Variants in MANBA observed in about 807,000 individuals in gnomAD.
The protein encoded by MANBA is mannosidase beta.
A neutral mutation model predicts 111.1 loss-of-function variants in MANBA; 83 were observed. The observed-to-expected ratio is 0.75, with a 90% CI of 0.63 to 0.90. The LOEUF (loss-of-function observed/expected upper bound fraction) is 0.90. Ranked by LOEUF, MANBA falls within the 40% of genes least tolerant of loss-of-function variation. The probability of loss-of-function intolerance (pLI) is 0.00; values close to 1 mark genes in which losing one functional copy is unlikely to be tolerated. For missense variants in MANBA, 1,036 were observed against 1,069.0 expected, an observed-to-expected ratio of 0.97 and a Z score of 0.43; for synonymous variants, 370 against 378.7, an observed-to-expected ratio of 0.98 and a Z score of 0.27.
At chr4:102,744,966 T>C (rs1723537799) in intron 1 of MANBA, among the ~76,000 whole-genome samples, 1 of 152,150 alleles carries the variant, frequency 6.6e-6, no homozygotes, top group Non-Finnish European at 1.5e-5. Flanking sequence ...GCTACGTATG[T>C]CTATGGCAAT....
At chr4:102,697,466 C>G (rs1023739248) in intron 5 of MANBA, among the ~76,000 whole-genome samples, 2 of 151,486 alleles carry the variant, frequency 1.3e-5, no homozygotes, top group African/African-American at 4.8e-5. Context: ...CTAAACTTGT[C>G]ATCTATCATT....
At chr4:102,636,891 A>G (rs940873588) in intron 14 of MANBA, among the ~76,000 whole-genome samples, 1 of 152,118 alleles carries the variant, frequency 6.6e-6, no homozygotes, top group Non-Finnish European at 1.5e-5. Context: ...CTCATCTTGA[A>G]TTGTAGCTCC....
Position 102,631,513 on chromosome 4 carries a change from A to G in MANBA, c.*544T>C. 1 of 386,486 alleles carries G rather than the reference A, an allele frequency of 2.6e-6. No individual in the cohort carries two copies. Among genetic ancestry groups the G allele is most frequent in the Non-Finnish European group, 4.6e-6 (1 of 219,754 alleles). 23.9% of individuals were successfully genotyped at this position (386,486 alleles called of 1,614,324 possible). A position where few individuals can be genotyped will look rare whatever the true frequency, so the allele number is the denominator to read the frequency against. On this transcript the variant is annotated 3_prime_UTR_variant, in exon 17 of 17. Transcript: ENST00000647097. ...TCAAGTTGTCAATGTAATTTATATAACTTTTATTTTTATATAATTTCACAT... is the reference window on the plus strand; with the variant it reads ...TCAAGTTGTCAATGTAATTTATATAGCTTTTATTTTTATATAATTTCACAT...
At chr4:102,663,521 T>C (rs1042875886) in intron 11 of MANBA, among the ~76,000 whole-genome samples, 5 of 152,238 alleles carry the variant, frequency 3.3e-5, no homozygotes, top group African/African-American at 1.2e-4. Context: ...ATTTTGTGAA[T>C]AGAAAAATTC....
At chr4:102,743,796 G>A (rs1723496967) in intron 1 of MANBA, among the ~76,000 whole-genome samples, 1 of 152,178 alleles carries the variant, frequency 6.6e-6, no homozygotes, top group South Asian at 2.1e-4. Flanking sequence ...TCAAAGGTTT[G>A]GTTTCCACCA....
chr4:102,715,860 A>G, intron 4 of MANBA, among the ~76,000 whole-genome samples: 1 of 152,230 alleles, frequency 6.6e-6, no homozygotes, highest in East Asian at 1.9e-4. Flanking sequence ...AAGAACATAA[A>G]ATCTATGAAG....
At chr4:102,704,534 A>T (rs1057374746) in intron 5 of MANBA, among the ~76,000 whole-genome samples, 3 of 151,944 alleles carry the variant, frequency 2.0e-5, no homozygotes, top group Non-Finnish European at 4.4e-5. Flanking sequence ...TTTTATTTTA[A>T]ATAAAAATTA....
chr4:102,708,363 C>A (rs1244551987), intron 5 of MANBA, among the ~76,000 whole-genome samples: 1 of 151,974 alleles, frequency 6.6e-6, no homozygotes, highest in Non-Finnish European at 1.5e-5. Flanking sequence ...TTGAAACCTG[C>A]ACAAGCACAT....
intron 16 of MANBA, among the ~76,000 whole-genome samples, chr4:102,634,496 C>T (rs564775395): frequency 1.3e-5 from 2 of 152,274 alleles, no homozygotes; most frequent in East Asian, 3.9e-4. Flanking sequence ...AGTGGGCATG[C>T]AGGCAGTGGT....
intron 4 of MANBA, among the ~76,000 whole-genome samples, chr4:102,717,312 G>A (rs1722377809): frequency 1.3e-5 from 2 of 151,414 alleles, no homozygotes; most frequent in Non-Finnish European, 2.9e-5. Context: ...AAATAGGCAG[G>A]GAACATACAG....
chr4:102,727,483 T>G (rs1722855128), intron 1 of MANBA: 11 of 1,525,080 alleles, frequency 7.2e-6, no homozygotes, highest in Non-Finnish European at 1.0e-5. Context: ...CCAGATAACA[T>G]GAGAAATGAG....
intron 1 of MANBA, chr4:102,729,474 CT>C: frequency 8.3e-7 from 1 of 1,208,764 alleles, no homozygotes. Context: ...ACTGCAGCTC[CT>C]GGATCTCCTC....
At chr4:102,690,872 C>G (rs1732448212) in intron 5 of MANBA, 101 bp from the exon 6 acceptor site, 1 of 384,004 alleles carries the variant, frequency 2.6e-6, no homozygotes, top group Non-Finnish European at 4.1e-6. Flanking sequence ...ACTAAAGCAG[C>G]TTCAAACCCA....
chr4:102,673,171 T>C (rs765751531), intron 8 of MANBA, among the ~76,000 whole-genome samples: 42 of 152,122 alleles, frequency 2.8e-4, no homozygotes, highest in Non-Finnish European at 4.4e-4. Context: ...AGTTCTTTTG[T>C]TGAGATAAAA....
intron 13 of MANBA, among the ~76,000 whole-genome samples, chr4:102,641,504 GA>G (rs1177018351): frequency 6.6e-6 from 1 of 152,214 alleles, no homozygotes; most frequent in African/African-American, 2.4e-5. Flanking sequence ...ATTTAGGCAA[GA>G]GATGGTTTTA....
chr4:102,663,533 T>C (rs1369173093), intron 11 of MANBA, among the ~76,000 whole-genome samples: 1 of 152,252 alleles, frequency 6.6e-6, no homozygotes, highest in African/African-American at 2.4e-5. Context: ...GAAAAATTCT[T>C]CATGACACAT....
At chr4:102,673,597 G>T (rs1731592742) in intron 8 of MANBA, among the ~76,000 whole-genome samples, 1 of 151,728 alleles carries the variant, frequency 6.6e-6, no homozygotes, top group African/African-American at 2.4e-5. Context: ...GAAAATAGTT[G>T]AATGTAATAT....
Position 102,631,971 on chromosome 4 carries a change from T to C in MANBA, c.*86A>G, listed in dbSNP as rs1053328071. On this transcript the variant is annotated 3_prime_UTR_variant, in exon 17 of 17. Transcript: ENST00000647097. ...ACGCAGACATGTCTCTCGGCTTCTC[T>C]CCTTGTCTCTGTTGCCTTCCTCTCC... 1 of 1,166,476 alleles carries C rather than the reference T, an allele frequency of 8.6e-7. No individual in the cohort carries two copies. Among genetic ancestry groups the C allele is most frequent in the Admixed American group, 1.8e-5 (1 of 56,476 alleles). 72.3% of individuals were successfully genotyped at this position (1,166,476 alleles called of 1,614,324 possible). A position where few individuals can be genotyped will look rare whatever the true frequency, so the allele number is the denominator to read the frequency against.
At chr4:102,709,944 T>G (rs1560789192) in intron 5 of MANBA, among the ~76,000 whole-genome samples, 1 of 152,182 alleles carries the variant, frequency 6.6e-6, no homozygotes, top group African/African-American at 2.4e-5. Flanking sequence ...AGAAAAAGCA[T>G]TTAATAAAAT....
Sources: gnomAD v4.1 joint callset for allele counts (sites outside exome capture counted in the v4.1 genomes callset) on GRCh38, gnomAD v4.1.1 for gene constraint, MANE v1.5 for transcripts, NCBI Gene and HGNC (gene_info 2026-07-23, HGNC 2026-07-21) for gene names.